Variants in MSS51 observed in about 807,000 individuals in gnomAD.
MSS51 encodes the protein MSS51 mitochondrial translational activator.
A neutral mutation model predicts 40.2 loss-of-function variants in MSS51; 32 were observed. That is an observed-to-expected ratio of 0.80 (90% CI 0.60 to 1.07). MSS51 has a LOEUF of 1.07. Ranked by LOEUF, MSS51 falls within the 50% of genes least tolerant of loss-of-function variation. The pLI, the probability that MSS51 is intolerant of heterozygous loss-of-function variation, is 0.00. For missense variants in MSS51, 518 were observed against 568.9 expected, an observed-to-expected ratio of 0.91 and a Z score of 0.91; for synonymous variants, 178 against 214.2, an observed-to-expected ratio of 0.83 and a Z score of 1.48.
intron 2 of MSS51, 72 bp from the exon 3 acceptor site, chr10:73,427,840 C>A: frequency 6.5e-7 from 1 of 1,539,812 alleles, no homozygotes; most frequent in South Asian, 1.2e-5. Flanking sequence ...TGCCCCCCAT[C>A]TTGTCTCCTA....
intron 4 of MSS51, 48 bp downstream of exon 4, chr10:73,426,559 A>G: frequency 6.2e-7 from 1 of 1,610,694 alleles, no homozygotes; most frequent in Non-Finnish European, 8.5e-7. Context: ...CTTTAAATGC[A>G]ATCAACTATG....
At chr10:73,426,868 A>G (rs1463059633) in intron 3 of MSS51, 137 bp from the exon 4 acceptor site, 18 of 931,530 alleles carry the variant, frequency 1.9e-5, no homozygotes, top group Non-Finnish European at 2.4e-5. Flanking sequence ...TGATGCACCA[A>G]TTTTGGGGAC....
In MSS51 at chr10:73,424,636, T is replaced by G; in HGVS notation, c.1300A>C (p.Ser434Arg). ...SSPNKQPVYC[S>R]AYYIMFLGSS... Reference sequence around the variant, plus strand: ...CCAAGAAACATGATATAGTATGCACTGCAGTATACTGGCTGCTTGTTGGGA... The same window carrying G: ...CCAAGAAACATGATATAGTATGCACGGCAGTATACTGGCTGCTTGTTGGGA... Residue 434 changes from serine to arginine, a missense_variant, in exon 7 of 7, where the codon AGT becomes CGT. Ser to Arg is a moderately radical substitution (Grantham distance 110). Transcript: ENST00000299432. 1 of 1,614,130 alleles carries G rather than the reference T, an allele frequency of 6.2e-7. No homozygotes were observed. Among genetic ancestry groups the G allele is most frequent in the South Asian group, 1.1e-5 (1 of 91,084 alleles).
intron 6 of MSS51, 42 bp downstream of exon 6, chr10:73,425,056 T>C (rs757267758): frequency 9.6e-6 from 14 of 1,455,122 alleles, no homozygotes; most frequent in Non-Finnish European, 1.4e-5. Flanking sequence ...TAAAGAGAGA[T>C]GTAAAGTCAG....
chr10:73,424,807 A>T, intron 6 of MSS51, 35 bp from the exon 7 acceptor site: 1 of 1,537,488 alleles, frequency 6.5e-7, no homozygotes, highest in Non-Finnish European at 9.0e-7. Context: ...TACTCTACTG[A>T]TTGTGACAGA....
In MSS51 at chr10:73,428,109, T is replaced by A. The variant is rs1362028444; in HGVS notation, c.176A>T (p.Gln59Leu). 1 of 1,614,142 alleles carries A rather than the reference T, an allele frequency of 6.2e-7. No individual in the cohort carries two copies. Among genetic ancestry groups the A allele is most frequent in the Non-Finnish European group, 8.5e-7 (1 of 1,180,038 alleles). The part of the protein sequence containing the change: ...SLDDNVPGLS[Q>L]LILQKLNMKS... ...CATGTTCAGCTTTTGAAGGATCAGCTGCGATAGGCCAGGAACATTATCATC... is the reference window on the plus strand; with the variant it reads ...CATGTTCAGCTTTTGAAGGATCAGCAGCGATAGGCCAGGAACATTATCATC... The change falls in exon 2 of 7, where the codon CAG (glutamine) becomes CTG (leucine). Residue 59 changes from glutamine (Q) to leucine (L), a missense_variant. Physicochemically the swap from Gln to Leu is moderately radical, Grantham distance 113 (BLOSUM62 -2). Transcript: ENST00000299432.
intron 4 of MSS51, 38 bp downstream of exon 4, chr10:73,426,569 G>A (rs768951960): frequency 1.2e-6 from 2 of 1,612,394 alleles, no homozygotes; most frequent in Non-Finnish European, 1.7e-6. Flanking sequence ...AATCAACTAT[G>A]ACCATTATGG....
intron 6 of MSS51, 125 bp from the exon 7 acceptor site, chr10:73,424,897 G>C (rs961065617): frequency 1.2e-6 from 1 of 832,164 alleles, no homozygotes; most frequent in South Asian, 1.6e-5. Context: ...GACTAGGCAA[G>C]GGCTATCTTT....
intron 5 of MSS51, 63 bp downstream of exon 5, chr10:73,425,748 A>T (rs927872396): frequency 7.0e-7 from 1 of 1,432,922 alleles, no homozygotes. Context: ...CAAAGACAGA[A>T]GATTCAGGAT....
intron 1 of MSS51, among the ~76,000 whole-genome samples, chr10:73,430,541 A>G (rs1036800954): frequency 5.3e-5 from 8 of 152,156 alleles, no homozygotes; most frequent in African/African-American, 1.4e-4. Context: ...TCATTAGGAA[A>G]ATGCAAATCA....
At chr10:73,427,867 C>G (rs904286767) in intron 2 of MSS51, 99 bp from the exon 3 acceptor site, 30 of 1,379,332 alleles carry the variant, frequency 2.2e-5, no homozygotes, top group Non-Finnish European at 2.9e-5. Context: ...TCCACTTACT[C>G]CTATGTCTCC....
chr10:73,432,996 G>A (rs984954772), intron 1 of MSS51, among the ~76,000 whole-genome samples: 1 of 151,954 alleles, frequency 6.6e-6, no homozygotes, highest in African/African-American at 2.4e-5. Context: ...ACTTAGAAAG[G>A]GAATCCCTTT....
At position 73,426,688 on chromosome 10, in the gene MSS51, C is replaced by A; in HGVS notation, c.421G>T (p.Asp141Tyr). The change falls in exon 4 of 7, where the codon GAC becomes TAC. Residue 141 changes from aspartate (D) to tyrosine (Y), a missense_variant. Asp to Tyr is a radical substitution (Grantham distance 160, BLOSUM62 -3). Coordinates refer to ENST00000299432, the MANE Select transcript of MSS51 (RefSeq NM_001024593.2). ...YYCGPECQKS[D>Y]WPAHRRVCQE... ...CAAACCCTCCTGTGTGCGGGCCAGT[C>A]TGACTTCTGGCACTCTGGACCACAG... 6.2e-7 allele frequency: 1 copy of A among 1,614,184 alleles called. No homozygotes were observed. Among genetic ancestry groups the A allele is most frequent in the East Asian group, 2.2e-5 (1 of 44,888 alleles).
At chr10:73,425,387 T>C (rs545575613) in intron 5 of MSS51, among the ~76,000 whole-genome samples, 196 bp from the exon 6 acceptor site, 1 of 152,166 alleles carries the variant, frequency 6.6e-6, no homozygotes, top group South Asian at 2.1e-4. Context: ...AGAAAAGTTG[T>C]CATCAGGCTG....
chr10:73,426,882 AT>A, intron 3 of MSS51, 151 bp from the exon 4 acceptor site: 1 of 789,320 alleles, frequency 1.3e-6, no homozygotes, highest in Middle Eastern at 3.7e-4. Context: ...TGGGGACTAC[AT>A]TTGGCAGACA....
chr10:73,426,648 A>G lies in MSS51; in HGVS notation c.461T>C (p.Leu154Pro). ...TTCCATGAGACGGTCCACAGCCACA[A>G]GACGAAGCTCTTGACAAACCCTCCT... Reference protein sequence around the residue: ...AHRRVCQELRLVAVDRLMEWL... With the variant: ...AHRRVCQELRPVAVDRLMEWL... The change falls in exon 4 of 7, where the codon CTT becomes CCT. Residue 154 changes from leucine (L) to proline (P), a missense_variant. Physicochemically the swap from Leu to Pro is moderately conservative, Grantham distance 98. Coordinates refer to ENST00000299432, the MANE Select transcript of MSS51 (RefSeq NM_001024593.2). The G allele has an allele frequency of 6.2e-7, 1 of 1,614,220 alleles. No individual in the cohort carries two copies. The highest frequency in any genetic ancestry group is 1.1e-5 in the South Asian group (1 of 91,074).
intron 1 of MSS51, among the ~76,000 whole-genome samples, chr10:73,430,941 C>T (rs1383955047): frequency 6.6e-6 from 1 of 151,966 alleles, no homozygotes; most frequent in Admixed American, 6.6e-5. Flanking sequence ...TATTATTCAG[C>T]TATAAAAAGA....
At chr10:73,428,039 C>G in intron 2 of MSS51, 25 bp downstream of exon 2, 1 of 1,606,668 alleles carries the variant, frequency 6.2e-7, no homozygotes, top group South Asian at 1.1e-5. Context: ...CAATATATCC[C>G]TTTTCCATAG....
intron 1 of MSS51, among the ~76,000 whole-genome samples, chr10:73,432,378 T>A (rs2056035415): frequency 6.6e-6 from 1 of 152,138 alleles, no homozygotes; most frequent in African/African-American, 2.4e-5. Flanking sequence ...GACTTTTTTT[T>A]TTTTAAATAG....
Sources: allele counts gnomAD v4.1 joint callset (sites outside exome capture counted in the v4.1 genomes callset), GRCh38; gene constraint gnomAD v4.1.1; transcripts MANE v1.5; gene names NCBI Gene and HGNC (gene_info 2026-07-23, HGNC 2026-07-21).